The following CDH11 variants were observed in gnomAD, a reference collection of about 807,000 sequenced individuals.
CDH11 encodes the protein cadherin-11.
CDH11 carries 11 observed loss-of-function variants against 67.8 expected under a neutral mutation model. The observed-to-expected ratio is 0.16, with a 90% CI of 0.10 to 0.27. The LOEUF is 0.27. Among genes scored for constraint, CDH11 ranks in the 10% least tolerant of loss-of-function variants. The pLI, the probability that CDH11 is intolerant of heterozygous loss-of-function variation, is 1.00. For missense variants in CDH11, 847 were observed against 1,031.2 expected, an observed-to-expected ratio of 0.82 and a Z score of 2.45; for synonymous variants, 419 against 400.0, an observed-to-expected ratio of 1.05 and a Z score of -0.57.
At chr16:65,037,932 G>C (rs1159578966) in intron 2 of CDH11, among the ~76,000 whole-genome samples, 1 of 152,110 alleles carries the variant, frequency 6.6e-6, no homozygotes, top group Non-Finnish European at 1.5e-5. Flanking sequence ...CCTCTGATGA[G>C]GGGAGAAAGC....
At chr16:64,974,215 C>A (rs868663834) in intron 8 of CDH11, among the ~76,000 whole-genome samples, 1 of 152,086 alleles carries the variant, frequency 6.6e-6, no homozygotes, top group African/African-American at 2.4e-5. Flanking sequence ...TTTCCACTCC[C>A]TTATACTAAC....
intron 1 of CDH11, among the ~76,000 whole-genome samples, chr16:65,096,156 G>T (rs2074886929): frequency 6.6e-6 from 1 of 152,064 alleles, no homozygotes; most frequent in African/African-American, 2.4e-5. Context: ...TTTATCGCAA[G>T]CATACGTCCA....
chr16:64,951,959 T>A (rs928412343), intron 11 of CDH11, among the ~76,000 whole-genome samples: 1 of 152,076 alleles, frequency 6.6e-6, no homozygotes, highest in Non-Finnish European at 1.5e-5. Flanking sequence ...TCTGCCAGCA[T>A]GGTGGAGGAT....
chr16:64,972,863 A>G (rs1012832873), intron 9 of CDH11, 41 bp downstream of exon 9: 66 of 1,606,102 alleles, frequency 4.1e-5, no homozygotes, highest in Non-Finnish European at 5.5e-5. Flanking sequence ...AAGCGATAAT[A>G]CTTGGTAAAG....
intron 1 of CDH11, among the ~76,000 whole-genome samples, chr16:65,090,623 G>A (rs1357808947): frequency 6.6e-6 from 1 of 152,040 alleles, no homozygotes; most frequent in Non-Finnish European, 1.5e-5. Context: ...AGCCATTCCT[G>A]GGGTCCAACA....
chr16:64,990,948 C>G (rs1451777405), intron 6 of CDH11, among the ~76,000 whole-genome samples: 2 of 152,186 alleles, frequency 1.3e-5, no homozygotes, highest in African/African-American at 4.8e-5. Context: ...AAAACAATAT[C>G]TCCCATCCCA....
chr16:65,108,681 A>AT (rs11383796), intron 1 of CDH11, among the ~76,000 whole-genome samples: 28,075 of 102,528 alleles, frequency 0.27, 2,715 homozygotes, highest in Middle Eastern at 0.38. Context: ...TCAAATCAAT[A>AT]TTTAAAAAAA....
rs1334270236 is a variant in CDH11, at chr16:64,947,408, T to G, written c.*195A>C. On this transcript the variant is annotated 3_prime_UTR_variant, in exon 13 of 13. Transcript: ENST00000268603. ...TTGATAAACAACTTCAATATTTGCC[T>G]TTTTGTGAGAAAAGGTATTTCACAG... is the stretch of plus-strand genomic sequence containing the variant. 4 of 1,343,056 alleles carry G rather than the reference T, an allele frequency of 3.0e-6. No individual in the cohort carries two copies. Among genetic ancestry groups the G allele is most frequent in the Non-Finnish European group, 3.8e-6 (4 of 1,049,346 alleles). 83.2% of individuals were successfully genotyped at this position (1,343,056 alleles called of 1,614,324 possible). A position where few individuals can be genotyped will look rare whatever the true frequency, so the allele number is the denominator to read the frequency against.
At chr16:65,123,505 A>G (rs6498980), upstream of CDH11, among the ~76,000 whole-genome samples, 106,570 of 151,872 alleles carry the variant, frequency 0.7, 38,532 homozygotes, top group East Asian at 0.96. Context: ...TCCTGAGCGC[A>G]TGGGGAAGGA....
At chr16:64,950,408 C>T (rs1049613755) in intron 12 of CDH11, among the ~76,000 whole-genome samples, 1 of 152,066 alleles carries the variant, frequency 6.6e-6, no homozygotes, top group Non-Finnish European at 1.5e-5. Context: ...GCTAATACAC[C>T]ATGTTTCTGC....
intron 2 of CDH11, among the ~76,000 whole-genome samples, chr16:65,008,813 G>A (rs2142540398): frequency 6.6e-6 from 1 of 152,194 alleles, no homozygotes; most frequent in South Asian, 2.1e-4. Flanking sequence ...GCTAAATGTG[G>A]GAAGTAAATT....
At chr16:64,986,547 T>C (rs1463212312) in intron 7 of CDH11, 3 of 151,794 alleles carry the variant, frequency 2.0e-5, no homozygotes, top group African/African-American at 4.8e-5. Context: ...CTGATGTCAA[T>C]GTTCATATGT....
chr16:64,992,005 A>ATTG, intron 5 of CDH11, 70 bp from the exon 6 acceptor site: 1 of 1,145,770 alleles, frequency 8.7e-7, no homozygotes, highest in Non-Finnish European at 1.2e-6. Context: ...AGTTCTGAGC[A>ATTG]CTGAGGAAGC....
intron 1 of CDH11, among the ~76,000 whole-genome samples, chr16:65,098,164 TGGGTATCTTCAGGGAAAGAACA>T (rs1482054698): frequency 1.3e-5 from 2 of 152,118 alleles, no homozygotes; most frequent in African/African-American, 4.8e-5. Flanking sequence ...TACTGACCAA[TGGGTATCTTCAGGGAAAGAACA>T]GGGGTAATGA....
intron 1 of CDH11, among the ~76,000 whole-genome samples, chr16:65,076,335 C>A (rs539066277): frequency 2.0e-5 from 3 of 151,842 alleles, no homozygotes; most frequent in Non-Finnish European, 4.4e-5. Context: ...AGGGTGATGC[C>A]GACAAACCAA....
At chr16:64,949,151 A>G (rs940181489) in intron 12 of CDH11, among the ~76,000 whole-genome samples, 2 of 152,082 alleles carry the variant, frequency 1.3e-5, no homozygotes, top group African/African-American at 2.4e-5. Flanking sequence ...CTGGCCTGCC[A>G]TCCTGACACC....
intron 2 of CDH11, among the ~76,000 whole-genome samples, chr16:65,041,544 T>C (rs913300111): frequency 3.3e-5 from 5 of 152,208 alleles, no homozygotes; most frequent in East Asian, 1.9e-4. Flanking sequence ...CCGCACATAA[T>C]TGAAATAAAA....
intron 1 of CDH11, among the ~76,000 whole-genome samples, chr16:65,098,179 A>G (rs2074931646): frequency 6.6e-6 from 1 of 152,140 alleles, no homozygotes. Context: ...ATCTTCAGGG[A>G]AAGAACAGGG....
chr16:64,992,883 G>C lies in CDH11; in HGVS notation c.643+32C>G, dbSNP rs116476525. 4.2e-4 allele frequency: 682 copies of C among 1,606,000 alleles called. 1 individual carries two copies. In the African/African-American group the frequency reaches 8.2e-3, roughly 19 times the overall value. On this transcript the variant is annotated intron_variant, in intron 5 of 12. Transcript: ENST00000268603. ...AGGCCTGGGACTTCTTATTCACCATGTGTCACAAATCACAGTGACATTCCA... is the reference window on the plus strand; with the variant it reads ...AGGCCTGGGACTTCTTATTCACCATCTGTCACAAATCACAGTGACATTCCA...
Sources: allele counts gnomAD v4.1 joint callset (sites outside exome capture counted in the v4.1 genomes callset), GRCh38; gene constraint gnomAD v4.1.1; transcripts MANE v1.5; gene names NCBI Gene and HGNC (gene_info 2026-07-23, HGNC 2026-07-21).